The following DDHD1 variants were observed in gnomAD, a reference collection of about 807,000 sequenced individuals.
DDHD1 encodes phospholipase DDHD1.
Under a neutral mutation model 96.4 loss-of-function variants are expected in DDHD1, and 49 were observed. The observed-to-expected ratio is 0.51, with a 90% confidence interval of 0.40 to 0.64. DDHD1 has a LOEUF of 0.64. Ranked by LOEUF, DDHD1 falls within the 30% of genes least tolerant of loss-of-function variation. The pLI, the probability that DDHD1 is intolerant of heterozygous loss-of-function variation, is 0.00. For synonymous variants in DDHD1, 442 were observed against 446.5 expected, an observed-to-expected ratio of 0.99 and a Z score of 0.13; for missense variants, 1,106 against 1,161.2, an observed-to-expected ratio of 0.95 and a Z score of 0.69.
rs1223334092 is a variant in DDHD1, at chr14:53,073,882, CT to C, written c.1290-36del. 12 of 1,551,424 alleles carry C rather than the reference CT, an allele frequency of 7.7e-6. No individual in the cohort carries two copies. The East Asian group carries it at 2.5e-4, about 32-fold the overall frequency. On this transcript the variant is annotated intron_variant, in intron 4 of 12. Transcript: ENST00000673822. ...CAAACAAACAAAAATGCAAACAAAG[CT>C]TTATGAGAATAACTTCACATATAAA...
Position 53,054,994 on chromosome 14 carries a change from A to T in DDHD1, c.2246-365T>A, listed in dbSNP as rs184286252. Among the ~76,000 whole-genome samples, 837 of 152,344 alleles carry T rather than the reference A, an allele frequency of 5.5e-3. 27 individuals carry two copies. The highest frequency in any genetic ancestry group is 1.5e-3 in the Non-Finnish European group (105 of 68,032). On this transcript the variant is annotated intron_variant, in intron 10 of 12. Transcript: ENST00000673822. ...TATTGATATACTTACTACTGAATTT[A>T]AATGGACATGTAAGAAAAAGCCATC...
At chr14:53,094,181 A>G (rs1886679435) in intron 2 of DDHD1, among the ~76,000 whole-genome samples, 1 of 152,178 alleles carries the variant, frequency 6.6e-6, no homozygotes, top group African/African-American at 2.4e-5. Flanking sequence ...CGTCTAAAAA[A>G]AAAAAAGAAA....
Position 53,038,204 on chromosome 14 carries a change from G to A in DDHD1, c.*8564C>T, listed in dbSNP as rs1414380837. ...AATCAGGCAAGAGAAATAAATAAAAGGCATCCAACTGGGAAAAGAAATCAA... is the reference window on the plus strand; with the variant it reads ...AATCAGGCAAGAGAAATAAATAAAAAGCATCCAACTGGGAAAAGAAATCAA... On this transcript the variant is annotated 3_prime_UTR_variant, in exon 13 of 13. Transcript: ENST00000673822. 1 of 152,022 alleles carries A rather than the reference G, an allele frequency of 6.6e-6. No homozygotes were observed. Among genetic ancestry groups the A allele is most frequent in the African/African-American group, 2.4e-5 (1 of 41,398 alleles). The allele number at this position is 152,022 out of a possible 1,614,324, so 9.4% of individuals were successfully genotyped here. A position where few individuals can be genotyped will look rare whatever the true frequency, so the allele number is the denominator to read the frequency against.
At chr14:53,110,806 T>C (rs1888044807) in intron 1 of DDHD1, among the ~76,000 whole-genome samples, 1 of 151,994 alleles carries the variant, frequency 6.6e-6, no homozygotes, top group Non-Finnish European at 1.5e-5. Context: ...TGAAACCCTG[T>C]CTCTACTAAA....
At chr14:53,093,542 T>TAA in intron 2 of DDHD1, 98 bp from the exon 3 acceptor site, 1 of 1,476,590 alleles carries the variant, frequency 6.8e-7, no homozygotes, top group Non-Finnish European at 9.1e-7. Context: ...ATATGTTATC[T>TAA]AAAAAACTCA....
At chr14:53,152,089 C>T (rs1265224652) in intron 1 of DDHD1, among the ~76,000 whole-genome samples, 172 bp downstream of exon 1, 5 of 152,182 alleles carry the variant, frequency 3.3e-5, no homozygotes, top group African/African-American at 1.2e-4. Flanking sequence ...TTGCCATCTG[C>T]TCGTTTACCC....
intron 2 of DDHD1, among the ~76,000 whole-genome samples, chr14:53,102,445 T>C (rs938929509): frequency 1.3e-5 from 2 of 152,090 alleles, no homozygotes; most frequent in African/African-American, 2.4e-5. Context: ...TAGGAAAATA[T>C]ATTTAGAATT....
chr14:53,101,959 T>A (rs908956778), intron 2 of DDHD1, among the ~76,000 whole-genome samples: 1 of 151,864 alleles, frequency 6.6e-6, no homozygotes, highest in Non-Finnish European at 1.5e-5. Flanking sequence ...AGGGGAACCA[T>A]CTACTTGTAT....
At chr14:53,131,994 G>C (rs1319008573) in intron 1 of DDHD1, among the ~76,000 whole-genome samples, 2 of 152,012 alleles carry the variant, frequency 1.3e-5, no homozygotes, top group African/African-American at 2.4e-5. Context: ...TCCTTCCTAG[G>C]CATGGTTAGG....
At chr14:53,066,943 C>T (rs569395053) in intron 6 of DDHD1, among the ~76,000 whole-genome samples, 18 of 132,974 alleles carry the variant, frequency 1.4e-4, no homozygotes, top group South Asian at 5.0e-4. Context: ...CTCCTGCCTC[C>T]GTAAGAACCT....
At chr14:53,096,649 G>A (rs1285899457) in intron 2 of DDHD1, among the ~76,000 whole-genome samples, 2 of 151,676 alleles carry the variant, frequency 1.3e-5, no homozygotes, top group Non-Finnish European at 2.9e-5. Flanking sequence ...CATATCTAAT[G>A]CAACCTTCCT....
At chr14:53,063,340 G>C in intron 6 of DDHD1, 135 bp from the exon 7 acceptor site, 1 of 1,057,016 alleles carries the variant, frequency 9.5e-7, no homozygotes, top group Non-Finnish European at 1.3e-6. Context: ...AATTAACTTA[G>C]GTCTTTCAAA....
At position 53,045,359 on chromosome 14, in the gene DDHD1, C is replaced by T. The variant is rs1566507457; in HGVS notation, c.*1409G>A. 6.6e-6 allele frequency: 1 copy of T among 152,292 alleles called. No individual in the cohort carries two copies. Among genetic ancestry groups the T allele is most frequent in the Non-Finnish European group, 1.5e-5 (1 of 68,258 alleles). The allele number at this position is 152,292 out of a possible 1,614,324, so 9.4% of individuals were successfully genotyped here. A position where few individuals can be genotyped will look rare whatever the true frequency, so the allele number is the denominator to read the frequency against. The stretch of plus-strand genomic sequence containing the variant: ...ACCTCAGCCTCTTGAGTAGCTGGGA[C>T]TACAGGTGTACACCACTACAAGTGG... On this transcript the variant is annotated 3_prime_UTR_variant, in exon 13 of 13. Coordinates refer to ENST00000673822, the MANE Select transcript of DDHD1 (RefSeq NM_001160148.2).
intron 6 of DDHD1, among the ~76,000 whole-genome samples, chr14:53,067,921 CCT>C (rs1256936861): frequency 3.9e-5 from 6 of 152,092 alleles, no homozygotes; most frequent in African/African-American, 1.4e-4. Context: ...TAAACCGTCA[CCT>C]TTTTTGGGAA....
At chr14:53,055,151 A>G (rs1427633862) in intron 10 of DDHD1, among the ~76,000 whole-genome samples, 1 of 152,212 alleles carries the variant, frequency 6.6e-6, no homozygotes, top group Non-Finnish European at 1.5e-5. Context: ...AGATTCAAAT[A>G]CCACATAATC....
At chr14:53,104,712 A>G (rs1261920881) in intron 1 of DDHD1, among the ~76,000 whole-genome samples, 1 of 152,168 alleles carries the variant, frequency 6.6e-6, no homozygotes, top group Non-Finnish European at 1.5e-5. Flanking sequence ...TTTAAAATAA[A>G]CTACAACTGT....
At chr14:53,048,298 A>C (rs1406560293) in intron 12 of DDHD1, among the ~76,000 whole-genome samples, 1 of 152,072 alleles carries the variant, frequency 6.6e-6, no homozygotes, top group Non-Finnish European at 1.5e-5. Flanking sequence ...AATACTTGTA[A>C]AATACATTGA....
intron 1 of DDHD1, among the ~76,000 whole-genome samples, chr14:53,108,037 G>A (rs956649256): frequency 3.3e-5 from 5 of 152,166 alleles, no homozygotes; most frequent in Non-Finnish European, 7.3e-5. Flanking sequence ...CCCTTTGTAT[G>A]GGAGCTCTGT....
chr14:53,082,549 A>G (rs1389427735), intron 4 of DDHD1, among the ~76,000 whole-genome samples: 1 of 150,576 alleles, frequency 6.6e-6, no homozygotes. Context: ...ACCTGAGGTC[A>G]GGAGTTCGAG....
Sources: allele counts gnomAD v4.1 joint callset (sites outside exome capture counted in the v4.1 genomes callset), GRCh38; gene constraint gnomAD v4.1.1; transcripts MANE v1.5; gene names NCBI Gene and HGNC (gene_info 2026-07-23, HGNC 2026-07-21).